DMD: variants seen among roughly 807,000 people sequenced by gnomAD.
The protein encoded by DMD is mutant dystrophin.
A neutral mutation model predicts 330.1 loss-of-function variants in DMD; 63 were observed. The observed-to-expected ratio is 0.19, with a 90% CI of 0.16 to 0.24. The LOEUF is 0.24. DMD is among the 10% of genes least tolerant of loss of function. DMD has a pLI of 1.00. For synonymous variants in DMD, 1,223 were observed against 959.8 expected (o/e 1.27, Z -5.07); for missense variants, 3,344 against 2,684.1 (o/e 1.25, Z -5.43).
intron 16 of DMD, among the ~76,000 whole-genome samples, chrX:32,545,624 T>C (rs759570481): frequency 1.2e-3 from 130 of 111,538 alleles, no homozygotes; most frequent in Non-Finnish European, 2.1e-3. Context: ...GAGAAAAATG[T>C]AGAGTATAAT....
chrX:33,207,218 A>T (rs1314446330), intron 1 of DMD, among the ~76,000 whole-genome samples: 1 of 111,366 alleles, frequency 9.0e-6, no homozygotes, highest in African/African-American at 3.3e-5. Context: ...GTTGGGCCAT[A>T]TTCAAGGAAG....
intron 51 of DMD, among the ~76,000 whole-genome samples, chrX:31,764,413 T>C (rs1216803503): frequency 9.0e-6 from 1 of 111,672 alleles, no homozygotes; most frequent in Non-Finnish European, 1.9e-5. Context: ...AGCATTTCAT[T>C]ACTTTCGTAT....
chrX:33,237,384 C>T (rs1305240804), intron 1 of DMD, among the ~76,000 whole-genome samples: 2 of 109,800 alleles, frequency 1.8e-5, no homozygotes, highest in Non-Finnish European at 3.8e-5. Flanking sequence ...GCTGAGATTA[C>T]AGGCGTGTGC....
At chrX:32,707,153 C>T (rs896658709) in intron 7 of DMD, among the ~76,000 whole-genome samples, 6 of 111,464 alleles carry the variant, frequency 5.4e-5, no homozygotes, top group African/African-American at 2.0e-4. Context: ...ACTCCACAAA[C>T]GTTTATTGAG....
At chrX:31,301,835 C>T (rs1306002170) in intron 62 of DMD, among the ~76,000 whole-genome samples, 2 of 111,678 alleles carry the variant, frequency 1.8e-5, no homozygotes, top group Non-Finnish European at 3.8e-5. Flanking sequence ...AGACTGAGAA[C>T]ACTGGTGGAT....
intron 1 of DMD, among the ~76,000 whole-genome samples, chrX:33,206,129 A>T (rs929952701): frequency 8.9e-6 from 1 of 111,804 alleles, no homozygotes; most frequent in African/African-American, 3.2e-5. Context: ...TGAATAATAA[A>T]CAAAAATAAA....
intron 44 of DMD, chrX:32,206,447 A>G (rs2147780686): frequency 1.9e-6 from 1 of 525,081 alleles, no homozygotes; most frequent in Non-Finnish European, 3.4e-6. Flanking sequence ...AGAAATCTAT[A>G]TGAGATACTC....
chrX:31,441,395 C>T (rs981430276), intron 60 of DMD, among the ~76,000 whole-genome samples: 3 of 111,437 alleles, frequency 2.7e-5, no homozygotes, highest in African/African-American at 9.8e-5. Context: ...TGAGGTTTCA[C>T]CATGCTGGTC....
intron 1 of DMD, among the ~76,000 whole-genome samples, chrX:33,177,757 C>T (rs1328776653): frequency 8.9e-6 from 1 of 112,091 alleles, no homozygotes; most frequent in Admixed American, 9.4e-5. Flanking sequence ...GTATACAATA[C>T]GGTATTGTTA....
At chrX:32,879,503 GTCT>G (rs2083702099) in intron 2 of DMD, among the ~76,000 whole-genome samples, 1 of 111,904 alleles carries the variant, frequency 8.9e-6, no homozygotes, top group African/African-American at 3.2e-5. Flanking sequence ...ATTAATATTT[GTCT>G]TTTTTAATAC....
chrX:31,733,227 A>G (rs1428283814), intron 51 of DMD, among the ~76,000 whole-genome samples: 1 of 111,595 alleles, frequency 9.0e-6, no homozygotes, highest in Non-Finnish European at 1.9e-5. Flanking sequence ...TAGCAACCCT[A>G]TGAAATAGGA....
intron 55 of DMD, among the ~76,000 whole-genome samples, chrX:31,514,780 A>G (rs1375145771): frequency 2.7e-5 from 3 of 112,044 alleles, no homozygotes; most frequent in African/African-American, 9.7e-5. Context: ...TTGAGCCTTG[A>G]GGGATGTATA....
intron 55 of DMD, among the ~76,000 whole-genome samples, chrX:31,577,753 G>A (rs1317048404): frequency 1.8e-5 from 2 of 111,276 alleles, no homozygotes; most frequent in Non-Finnish European, 3.8e-5. Flanking sequence ...AACTGAAATC[G>A]ACATGTTTAA....
intron 16 of DMD, among the ~76,000 whole-genome samples, chrX:32,550,018 A>G (rs1020446289): frequency 2.7e-5 from 3 of 112,259 alleles, no homozygotes; most frequent in African/African-American, 9.7e-5. Context: ...TCATCCTTAG[A>G]CAATTTTGTC....
intron 44 of DMD, among the ~76,000 whole-genome samples, chrX:32,045,588 G>A (rs60622820): frequency 1.8e-5 from 2 of 109,851 alleles, no homozygotes; most frequent in South Asian, 3.9e-4. Context: ...TGCTAACACA[G>A]ACCCACCCTC....
intron 2 of DMD, among the ~76,000 whole-genome samples, chrX:32,998,847 C>T (rs2093199659): frequency 9.0e-6 from 1 of 111,728 alleles, no homozygotes; most frequent in African/African-American, 3.3e-5. Flanking sequence ...TTTATTCTAA[C>T]ATTCATATTT....
chrX:32,373,527 ACTT>A (rs745579515), intron 34 of DMD, among the ~76,000 whole-genome samples: 396 of 111,778 alleles, frequency 3.5e-3, no homozygotes, highest in Middle Eastern at 0.018. Flanking sequence ...AAATTGATAC[ACTT>A]CAATAGTCTT....
chrX:31,946,318 G>T (rs2095086439), intron 45 of DMD, among the ~76,000 whole-genome samples: 1 of 111,844 alleles, frequency 8.9e-6, no homozygotes, highest in Admixed American at 9.5e-5. Context: ...CAGAGGAATT[G>T]AAACTAGGAA....
chrX:31,816,808 A>ACACC (rs1556914993), intron 50 of DMD, among the ~76,000 whole-genome samples: 1 of 108,375 alleles, frequency 9.2e-6, no homozygotes, highest in East Asian at 2.9e-4. Flanking sequence ...ACACACACAC[A>ACACC]CACACACACA....
Sources: allele counts gnomAD v4.1 joint callset (sites outside exome capture counted in the v4.1 genomes callset), GRCh38; gene constraint gnomAD v4.1.1; transcripts MANE v1.5; gene names NCBI Gene and HGNC (gene_info 2026-07-23, HGNC 2026-07-21).